Variants in NYAP2 observed in about 807,000 individuals in gnomAD.
NYAP2 encodes neuronal tyrosine-phosphorylated phosphoinositide-3-kinase adapter 2.
A neutral mutation model predicts 50.4 loss-of-function variants in NYAP2; 23 were observed. The ratio of observed to expected loss-of-function variants is 0.46; its 90% CI spans 0.33 to 0.65. The LOEUF is 0.65. NYAP2 is among the 30% of genes least tolerant of loss of function. The pLI, the probability that NYAP2 is intolerant of heterozygous loss-of-function variation, is 0.02. For synonymous variants in NYAP2, 394 were observed against 365.2 expected (o/e 1.08, Z -0.90); for missense variants, 885 against 861.0 (o/e 1.03, Z -0.35).
At chr2:225,700,144 A>G in the NYAP2 span, 1 of 151,854 alleles carries the variant, frequency 6.6e-6, no homozygotes, top group Non-Finnish European at 1.5e-5. Context: ...GTAATGCTTT[A>G]TCAGTAATAG....
chr2:225,684,172 G>A, the NYAP2 span, among the ~76,000 whole-genome samples: 37 of 152,152 alleles, frequency 2.4e-4, no homozygotes, highest in Non-Finnish European at 4.0e-4. Context: ...GGCTGCTGCC[G>A]AGGAGAGAAT....
chr2:225,552,440 G>A (rs1488893907), intron 4 of NYAP2, among the ~76,000 whole-genome samples: 1 of 152,138 alleles, frequency 6.6e-6, no homozygotes, highest in Non-Finnish European at 1.5e-5. Context: ...TGATGAATTC[G>A]TCATCCACAA....
the NYAP2 span, among the ~76,000 whole-genome samples, chr2:225,671,185 TC>T: frequency 6.6e-6 from 1 of 152,108 alleles, no homozygotes; most frequent in African/African-American, 2.4e-5. Context: ...TTTTTCTTTT[TC>T]CCTCCTTTAC....
At chr2:225,539,919 C>A (rs1439988945) in intron 4 of NYAP2, among the ~76,000 whole-genome samples, 1 of 152,130 alleles carries the variant, frequency 6.6e-6, no homozygotes, top group Non-Finnish European at 1.5e-5. Flanking sequence ...TTAGAAATTT[C>A]TTCTGCCAGA....
chr2:225,672,830 T>C, the NYAP2 span, among the ~76,000 whole-genome samples: 5 of 151,872 alleles, frequency 3.3e-5, no homozygotes, highest in Non-Finnish European at 7.4e-5. Context: ...GATATTTGGT[T>C]GGTGGAGCAG....
chr2:225,631,231 T>A (rs1693308690), intron 6 of NYAP2, among the ~76,000 whole-genome samples: 1 of 152,210 alleles, frequency 6.6e-6, no homozygotes, highest in Admixed American at 6.5e-5. Flanking sequence ...GATATGAATA[T>A]TCTAATAAAT....
intron 3 of NYAP2, among the ~76,000 whole-genome samples, chr2:225,480,659 G>A (rs536167956): frequency 3.9e-5 from 6 of 152,118 alleles, no homozygotes; most frequent in African/African-American, 1.4e-4. Flanking sequence ...GATCTTAAAG[G>A]GAAAAATAAA....
At chr2:225,530,461 T>C (rs1409311398) in intron 4 of NYAP2, among the ~76,000 whole-genome samples, 4 of 152,228 alleles carry the variant, frequency 2.6e-5, no homozygotes, top group South Asian at 2.1e-4. Flanking sequence ...GGTATGTCTC[T>C]TCAGCATTTT....
At chr2:225,570,279 C>T (rs1009309165) in intron 4 of NYAP2, among the ~76,000 whole-genome samples, 3 of 152,110 alleles carry the variant, frequency 2.0e-5, no homozygotes, top group African/African-American at 7.2e-5. Context: ...CTCAGAAACT[C>T]CCTCTCATCA....
intron 4 of NYAP2, among the ~76,000 whole-genome samples, chr2:225,581,720 A>T (rs1029810459): frequency 2.6e-5 from 4 of 152,202 alleles, no homozygotes; most frequent in Non-Finnish European, 5.9e-5. Flanking sequence ...TCAGTGTTAG[A>T]TTATTAATAT....
intron 5 of NYAP2, among the ~76,000 whole-genome samples, chr2:225,610,300 C>T (rs986051291): frequency 2.6e-5 from 4 of 152,036 alleles, no homozygotes; most frequent in African/African-American, 2.4e-5. Context: ...AGATGGCCAC[C>T]TTCTTGTTGG....
chr2:225,609,657 T>C (rs550891096), intron 5 of NYAP2, among the ~76,000 whole-genome samples: 1 of 152,050 alleles, frequency 6.6e-6, no homozygotes, highest in African/African-American at 2.4e-5. Context: ...AGAATCAGAG[T>C]GAGAACCTCC....
chr2:225,437,195 G>T (rs1340547660), intron 3 of NYAP2, among the ~76,000 whole-genome samples: 1 of 152,010 alleles, frequency 6.6e-6, no homozygotes, highest in East Asian at 1.9e-4. Flanking sequence ...TAGTGGGCTG[G>T]ACTGGAGCAC....
chr2:225,506,992 T>A (rs1290255427), intron 3 of NYAP2, among the ~76,000 whole-genome samples: 1 of 152,200 alleles, frequency 6.6e-6, no homozygotes, highest in Non-Finnish European at 1.5e-5. Context: ...TGAATCAGTT[T>A]CAGAGATAGG....
At chr2:225,693,444 G>A in the NYAP2 span, among the ~76,000 whole-genome samples, 4 of 152,092 alleles carry the variant, frequency 2.6e-5, no homozygotes, top group South Asian at 4.2e-4. Flanking sequence ...AGTTTACTAC[G>A]GTTGATCGCC....
At chr2:225,596,909 A>G (rs1304097224) in intron 5 of NYAP2, among the ~76,000 whole-genome samples, 2 of 152,168 alleles carry the variant, frequency 1.3e-5, no homozygotes, top group Admixed American at 1.3e-4. Flanking sequence ...AATACAGTCC[A>G]TTTGCAGGTT....
intron 3 of NYAP2, among the ~76,000 whole-genome samples, chr2:225,480,940 T>A (rs1467773426): frequency 1.3e-5 from 2 of 152,112 alleles, no homozygotes; most frequent in African/African-American, 4.8e-5. Flanking sequence ...TTCTGCTAAT[T>A]TACAATGTCT....
At chr2:225,548,605 G>A (rs938979386) in intron 4 of NYAP2, among the ~76,000 whole-genome samples, 1 of 151,824 alleles carries the variant, frequency 6.6e-6, no homozygotes, top group Non-Finnish European at 1.5e-5. Flanking sequence ...GTAAATGAAA[G>A]TAGATTTTAT....
At chr2:225,651,562 T>G in exon 7 of NYAP2, 1 of 1,613,788 alleles carries the variant, frequency 6.2e-7, no homozygotes. Flanking sequence ...CCAATCGTGA[T>G]TGACTTCCTG....
Sources: gnomAD v4.1 joint callset for allele counts (sites outside exome capture counted in the v4.1 genomes callset) on GRCh38, gnomAD v4.1.1 for gene constraint, MANE v1.5 for transcripts, NCBI Gene and HGNC (gene_info 2026-07-23, HGNC 2026-07-21) for gene names.